The following ARHGEF28 variants were observed in gnomAD, a reference collection of about 807,000 sequenced individuals.
The protein encoded by ARHGEF28 is Rho guanine nucleotide exchange factor 28.
Under a neutral mutation model 206.6 loss-of-function variants are expected in ARHGEF28, and 152 were observed. The ratio of observed to expected loss-of-function variants is 0.74; its 90% confidence interval spans 0.64 to 0.84. The LOEUF (loss-of-function observed/expected upper bound fraction) is 0.84, where lower values mean the gene tolerates loss of function less well. ARHGEF28 is among the 40% of genes least tolerant of loss of function. The pLI, the probability that ARHGEF28 is intolerant of heterozygous loss-of-function variation, is 0.00. For missense variants in ARHGEF28, 2,028 were observed against 2,073.2 expected, an observed-to-expected ratio of 0.98 and a Z score of 0.42; for synonymous variants, 763 against 776.4, an observed-to-expected ratio of 0.98 and a Z score of 0.29.
intron 1 of ARHGEF28, among the ~76,000 whole-genome samples, chr5:73,664,163 A>G (rs1580456150): frequency 6.6e-6 from 1 of 152,224 alleles, no homozygotes; most frequent in African/African-American, 2.4e-5. Context: ...TGCCTAGGTC[A>G]TGCTACTTTT....
chr5:73,879,695 G>A (rs2112659388), intron 22 of ARHGEF28, among the ~76,000 whole-genome samples: 1 of 152,316 alleles, frequency 6.6e-6, no homozygotes, highest in East Asian at 1.9e-4. Context: ...GTCCACTCCA[G>A]ACCCTGTTTG....
chr5:73,710,017 C>A (rs1405180021), intron 2 of ARHGEF28, among the ~76,000 whole-genome samples: 1 of 152,112 alleles, frequency 6.6e-6, no homozygotes, highest in Non-Finnish European at 1.5e-5. Context: ...TAATGCAGCT[C>A]CAGTTATTTG....
Position 73,833,308 on chromosome 5 carries a change from G to T in ARHGEF28, c.1146+849G>T, listed in dbSNP as rs115095439. 3.3e-3 allele frequency among the ~76,000 whole-genome samples: 506 copies of T among 152,044 alleles called. 5 individuals are homozygous for T. The highest frequency in any genetic ancestry group is 0.01 in the African/African-American group (427 of 41,468). On this transcript the variant is annotated intron_variant, in intron 10 of 35. Coordinates refer to ENST00000513042, the MANE Select transcript of ARHGEF28 (RefSeq NM_001177693.2). ...GACATTTAACCCTTTTATGTTGTTAGTATGCATGTATTTTACCCTATTTAT... is the reference window on the plus strand; with the variant it reads ...GACATTTAACCCTTTTATGTTGTTATTATGCATGTATTTTACCCTATTTAT...
At chr5:73,789,697 A>G (rs1359921072) in intron 7 of ARHGEF28, among the ~76,000 whole-genome samples, 2 of 151,276 alleles carry the variant, frequency 1.3e-5, no homozygotes, top group African/African-American at 4.9e-5. Context: ...TATTTTTTTG[A>G]TACAAAAGAC....
chr5:73,750,112 G>A (rs116338618), intron 3 of ARHGEF28, 128 bp downstream of exon 3: 3 of 1,049,778 alleles, frequency 2.9e-6, no homozygotes, highest in African/African-American at 3.2e-5. Flanking sequence ...GTGTGTGCGT[G>A]CCTGTGTGTG....
chr5:73,711,384 C>T (rs1401180043), intron 2 of ARHGEF28, among the ~76,000 whole-genome samples: 2 of 152,010 alleles, frequency 1.3e-5, no homozygotes, highest in South Asian at 2.1e-4. Flanking sequence ...ATTTTGATTA[C>T]AATTGTGTTA....
chr5:73,626,797 C>A (rs1284485308), intron 1 of ARHGEF28, among the ~76,000 whole-genome samples: 1 of 152,234 alleles, frequency 6.6e-6, no homozygotes, highest in Non-Finnish European at 1.5e-5. Flanking sequence ...GACACACGCA[C>A]TACCACTTAC....
chr5:73,832,030 T>A (rs1757332735), intron 9 of ARHGEF28, among the ~76,000 whole-genome samples: 1 of 152,204 alleles, frequency 6.6e-6, no homozygotes, highest in Non-Finnish European at 1.5e-5. Context: ...AAGTTTAATT[T>A]AAAAATATAG....
intron 9 of ARHGEF28, among the ~76,000 whole-genome samples, chr5:73,803,053 C>T (rs1755238761): frequency 6.6e-6 from 1 of 152,084 alleles, no homozygotes; most frequent in Admixed American, 6.6e-5. Context: ...ATTTACTTTA[C>T]CTTTTAGAGT....
At chr5:73,626,822 C>T (rs2703636) in intron 1 of ARHGEF28, among the ~76,000 whole-genome samples, 120,277 of 152,150 alleles carry the variant, frequency 0.79, 47,889 homozygotes, top group African/African-American at 0.88. Flanking sequence ...GTGGAAGCAT[C>T]TGCTGTGTTT....
At chr5:73,673,896 CG>C (rs1190399702) in intron 1 of ARHGEF28, among the ~76,000 whole-genome samples, 2 of 151,582 alleles carry the variant, frequency 1.3e-5, no homozygotes, top group African/African-American at 4.8e-5. Flanking sequence ...TACTGTAGGC[CG>C]GGGCAGTGGT....
At chr5:73,782,009 A>G (rs1419587832) in intron 7 of ARHGEF28, among the ~76,000 whole-genome samples, 1 of 152,020 alleles carries the variant, frequency 6.6e-6, no homozygotes, top group Non-Finnish European at 1.5e-5. Context: ...GCTTGTTCCT[A>G]AGCCACCAAT....
intron 33 of ARHGEF28, among the ~76,000 whole-genome samples, chr5:73,905,529 T>C (rs1015141638): frequency 1.3e-5 from 2 of 152,230 alleles, no homozygotes; most frequent in African/African-American, 4.8e-5. Flanking sequence ...TGATTTCTGA[T>C]TCTACAAAGA....
At chr5:73,758,562 TA>T (rs1475628770) in intron 4 of ARHGEF28, among the ~76,000 whole-genome samples, 1 of 129,136 alleles carries the variant, frequency 7.7e-6, no homozygotes, top group Admixed American at 7.1e-5. Flanking sequence ...TTTTTATTTT[TA>T]TTTTTTTTTT....
intron 4 of ARHGEF28, among the ~76,000 whole-genome samples, chr5:73,760,422 T>A (rs78043032): frequency 1.0e-3 from 153 of 152,288 alleles, no homozygotes; most frequent in African/African-American, 3.3e-3. Flanking sequence ...ACACTCAGTA[T>A]TGCTGTCTAG....
intron 35 of ARHGEF28, among the ~76,000 whole-genome samples, chr5:73,930,565 T>C (rs1293824947): frequency 6.6e-6 from 1 of 152,228 alleles, no homozygotes; most frequent in Non-Finnish European, 1.5e-5. Context: ...GTGAACACTT[T>C]AAGATTCGAA....
intron 7 of ARHGEF28, among the ~76,000 whole-genome samples, chr5:73,785,439 G>A (rs114115102): frequency 0.034 from 5,157 of 152,136 alleles, 134 homozygotes; most frequent in Non-Finnish European, 0.052. Context: ...CTATCACCTG[G>A]GTTCCCGCCA....
intron 2 of ARHGEF28, among the ~76,000 whole-genome samples, chr5:73,711,705 T>G (rs1749256164): frequency 6.6e-6 from 1 of 152,154 alleles, no homozygotes; most frequent in Admixed American, 6.5e-5. Context: ...AGAGCTTTTT[T>G]ATTGGTGCTT....
chr5:73,874,169 C>A (rs981182390), intron 22 of ARHGEF28, among the ~76,000 whole-genome samples: 2 of 151,816 alleles, frequency 1.3e-5, no homozygotes, highest in South Asian at 4.2e-4. Flanking sequence ...TCTATATATC[C>A]CTTTCAGTGA....
Sources: gnomAD v4.1 joint callset for allele counts (sites outside exome capture counted in the v4.1 genomes callset) on GRCh38, gnomAD v4.1.1 for gene constraint, MANE v1.5 for transcripts, NCBI Gene and HGNC (gene_info 2026-07-23, HGNC 2026-07-21) for gene names.